The following SNTG2 variants were observed in gnomAD, a reference collection of about 807,000 sequenced individuals.
SNTG2 encodes syntrophin gamma 2.
A neutral mutation model predicts 70.9 loss-of-function variants in SNTG2; 74 were observed. The observed-to-expected ratio is 1.04, with a 90% CI of 0.86 to 1.27. SNTG2 has a LOEUF of 1.27. SNTG2 is among the 50% of genes most tolerant of loss of function. The probability of loss-of-function intolerance (pLI) is 0.00; values close to 1 mark genes in which losing one functional copy is unlikely to be tolerated. For synonymous variants in SNTG2, 278 were observed against 273.8 expected (o/e 1.02, Z -0.15); for missense variants, 717 against 690.7 (o/e 1.04, Z -0.43).
chr2:1,010,393 A>G (rs1347701555), intron 1 of SNTG2, among the ~76,000 whole-genome samples: 1 of 152,208 alleles, frequency 6.6e-6, no homozygotes, highest in Non-Finnish European at 1.5e-5. Context: ...GCTGTTGTAA[A>G]TAAAGGGAAA....
At chr2:1,252,321 G>A (rs990755904) in intron 12 of SNTG2, among the ~76,000 whole-genome samples, 1 of 152,162 alleles carries the variant, frequency 6.6e-6, no homozygotes, top group African/African-American at 2.4e-5. Context: ...ACTTCCCGAT[G>A]ACTTCATATA....
At chr2:1,131,852 G>C (rs1010244680) in intron 4 of SNTG2, among the ~76,000 whole-genome samples, 2 of 151,634 alleles carry the variant, frequency 1.3e-5, no homozygotes, top group African/African-American at 2.4e-5. Context: ...GGATTTCACT[G>C]TGTTAGCCAG....
intron 1 of SNTG2, among the ~76,000 whole-genome samples, chr2:999,259 CATT>C (rs1215179820): frequency 1.3e-5 from 2 of 152,062 alleles, no homozygotes; most frequent in African/African-American, 2.4e-5. Flanking sequence ...GAACAATTAA[CATT>C]ATGACAGGAA....
chr2:1,026,513 G>C (rs554486231), intron 1 of SNTG2, among the ~76,000 whole-genome samples: 1 of 152,118 alleles, frequency 6.6e-6, no homozygotes, highest in Admixed American at 6.5e-5. Flanking sequence ...AAATAAAACT[G>C]CTAGGAAAAA....
At chr2:1,193,245 C>T (rs1466155526) in intron 8 of SNTG2, among the ~76,000 whole-genome samples, 1 of 152,114 alleles carries the variant, frequency 6.6e-6, no homozygotes, top group Non-Finnish European at 1.5e-5. Context: ...CCTGCCGAGC[C>T]GTGGGGAACT....
At chr2:1,052,853 C>T (rs1572309357) in intron 1 of SNTG2, among the ~76,000 whole-genome samples, 1 of 152,186 alleles carries the variant, frequency 6.6e-6, no homozygotes, top group African/African-American at 2.4e-5. Flanking sequence ...TGCATTCCAG[C>T]TGTAAGTTAT....
At chr2:1,062,437 CAAT>C (rs1662884375) in intron 1 of SNTG2, among the ~76,000 whole-genome samples, 1 of 151,744 alleles carries the variant, frequency 6.6e-6, no homozygotes, top group South Asian at 2.1e-4. Flanking sequence ...TTGGGTATGA[CAAT>C]GATAAAGAAA....
rs561362977 is a variant in SNTG2, at chr2:1,069,042, G to A, written c.73-14476G>A. Among the ~76,000 whole-genome samples, 12 of 152,300 alleles carry A rather than the reference G, an allele frequency of 7.9e-5. No individual in the cohort carries two copies. The South Asian group carries it at 2.1e-3, about 26-fold the overall frequency. On this transcript the variant is annotated intron_variant, in intron 1 of 16. Transcript: ENST00000308624. ...ATTTGTAATAACATCTCTCAAACACGTGTCAGTGTCATTAGCTCTGTTTCC... is the reference window on the plus strand; with the variant it reads ...ATTTGTAATAACATCTCTCAAACACATGTCAGTGTCATTAGCTCTGTTTCC...
intron 9 of SNTG2, among the ~76,000 whole-genome samples, chr2:1,221,246 C>A (rs951125344): frequency 4.0e-5 from 3 of 75,638 alleles, no homozygotes; most frequent in African/African-American, 1.7e-4. Context: ...GCCTCTGCCT[C>A]TCTCTGTCTC....
At chr2:1,219,078 A>C (rs1674582684) in intron 9 of SNTG2, among the ~76,000 whole-genome samples, 1 of 152,244 alleles carries the variant, frequency 6.6e-6, no homozygotes, top group East Asian at 1.9e-4. Flanking sequence ...CAGATTTCTC[A>C]TGAGTGGTTT....
intron 8 of SNTG2, among the ~76,000 whole-genome samples, chr2:1,204,080 C>A (rs1267915900): frequency 6.6e-6 from 1 of 152,118 alleles, no homozygotes; most frequent in East Asian, 1.9e-4. Flanking sequence ...TATAAAGCAG[C>A]AAAACTAGTC....
chr2:1,311,369 G>A (rs1680979492), intron 15 of SNTG2, among the ~76,000 whole-genome samples: 1 of 152,138 alleles, frequency 6.6e-6, no homozygotes. Flanking sequence ...AACTGAACCT[G>A]AAAATAGCAC....
chr2:1,223,252 A>T (rs1318075741), intron 9 of SNTG2, among the ~76,000 whole-genome samples: 3 of 129,674 alleles, frequency 2.3e-5, no homozygotes, highest in African/African-American at 8.3e-5. Context: ...ATCGCTGTAG[A>T]GGAAAGTGGT....
At chr2:1,054,287 G>A (rs1482077172) in intron 1 of SNTG2, among the ~76,000 whole-genome samples, 1 of 152,070 alleles carries the variant, frequency 6.6e-6, no homozygotes, top group African/African-American at 2.4e-5. Flanking sequence ...CAAGAGAGGC[G>A]GCCCACACCT....
chr2:1,253,031 C>A (rs1011754234), intron 12 of SNTG2, among the ~76,000 whole-genome samples: 6 of 152,296 alleles, frequency 3.9e-5, no homozygotes, highest in African/African-American at 7.2e-5. Context: ...ACATCAGTAT[C>A]TTAAATGTAT....
chr2:1,362,176 C>T (rs1179451479), intron 16 of SNTG2, among the ~76,000 whole-genome samples: 6 of 151,938 alleles, frequency 3.9e-5, no homozygotes, highest in African/African-American at 1.5e-4. Context: ...GTAGAACTTC[C>T]ATGAGATACA....
chr2:1,363,577 C>T lies in SNTG2; in HGVS notation c.1489-3766C>T, dbSNP rs113994363. ...AGGTGGAAACACATCAGCCCATGAC[C>T]GACATGTGAACACAGGTGAGGAGTG... On this transcript the variant is annotated intron_variant, in intron 16 of 16. Coordinates refer to ENST00000308624, the MANE Select transcript of SNTG2 (RefSeq NM_018968.4). Among the ~76,000 whole-genome samples the T allele has an allele frequency of 5.7e-3, 871 of 152,264 alleles. 6 individuals carry two copies. Among genetic ancestry groups the T allele is most frequent in the African/African-American group, 0.019 (804 of 41,526 alleles).
intron 9 of SNTG2, among the ~76,000 whole-genome samples, chr2:1,221,437 G>A (rs1354434447): frequency 2.4e-5 from 2 of 84,994 alleles, no homozygotes; most frequent in African/African-American, 1.2e-4. Context: ...GTCTCTCTCT[G>A]TCTCTGTCTC....
At chr2:994,407 C>G (rs1661607339) in intron 1 of SNTG2, among the ~76,000 whole-genome samples, 1 of 152,000 alleles carries the variant, frequency 6.6e-6, no homozygotes, top group Admixed American at 6.6e-5. Flanking sequence ...CATGCTTATG[C>G]CAGCACTGTA....
Sources: gnomAD v4.1 joint callset for allele counts (sites outside exome capture counted in the v4.1 genomes callset) on GRCh38, gnomAD v4.1.1 for gene constraint, MANE v1.5 for transcripts, NCBI Gene and HGNC (gene_info 2026-07-23, HGNC 2026-07-21) for gene names.